SAMD12: variants seen among roughly 807,000 people sequenced by gnomAD.
The protein encoded by SAMD12 is sterile alpha motif domain-containing protein 12.
SAMD12 carries 9 observed loss-of-function variants against 15.0 expected under a neutral mutation model. The observed-to-expected ratio is 0.60, with a 90% CI of 0.36 to 1.05. The LOEUF (loss-of-function observed/expected upper bound fraction) is 1.05. Ranked by LOEUF, SAMD12 falls within the 50% of genes least tolerant of loss-of-function variation. The pLI is 0.01. For synonymous variants in SAMD12, 86 were observed against 90.1 expected, an observed-to-expected ratio of 0.96 and a Z score of 0.25; for missense variants, 230 against 234.2, an observed-to-expected ratio of 0.98 and a Z score of 0.12.
intron 4 of SAMD12, among the ~76,000 whole-genome samples, chr8:118,290,280 A>C (rs1586444503): frequency 1.3e-5 from 2 of 152,016 alleles, no homozygotes; most frequent in African/African-American, 4.8e-5. Context: ...GGCATTAAAA[A>C]CTCTCCAGCC....
chr8:118,315,188 G>A (rs192140102), intron 4 of SAMD12, among the ~76,000 whole-genome samples: 2 of 152,160 alleles, frequency 1.3e-5, no homozygotes, highest in African/African-American at 4.8e-5. Context: ...ATTTGCTTTT[G>A]GTGAATGCTG....
In SAMD12 at chr8:118,347,646, T is replaced by TAA. The variant is rs531306400; in HGVS notation, c.433+31912_433+31913dup. On this transcript the variant is annotated intron_variant, in intron 4 of 4. Transcript: ENST00000409003. Reference sequence around the variant, plus strand: ...TATATTTTCCAAACCTATTTGACTATAATATTTTTTAAAAAGAACACTTAT... The same window carrying TAA: ...TATATTTTCCAAACCTATTTGACTATAAAATATTTTTTAAAAAGAACACTTAT... 6.8e-4 allele frequency among the ~76,000 whole-genome samples: 88 copies of TAA among 129,654 alleles called. 1 individual carries two copies. Among genetic ancestry groups the TAA allele is most frequent in the African/African-American group, 2.8e-3 (83 of 29,672 alleles). The allele number at this position is 129,654 out of a possible 152,430, so 85.1% of individuals were successfully genotyped here.
In SAMD12 at chr8:118,356,384, G is replaced by A. The variant is rs1283927702; in HGVS notation, c.433+23176C>T. ...CCACCTGGCCCTGCAATGCTGTTTCGTAGTCTTTCTTAGCACAGCTTTTCC... is the reference window on the plus strand; with the variant it reads ...CCACCTGGCCCTGCAATGCTGTTTCATAGTCTTTCTTAGCACAGCTTTTCC... On this transcript the variant is annotated intron_variant, in intron 4 of 4. Coordinates refer to the SAMD12 transcript ENST00000409003. 4.6e-5 allele frequency among the ~76,000 whole-genome samples: 7 copies of A among 152,286 alleles called. No individual in the cohort carries two copies. The East Asian group carries it at 5.8e-4, about 13-fold the overall frequency.
intron 3 of SAMD12, among the ~76,000 whole-genome samples, chr8:118,404,198 G>T (rs1298576607): frequency 3.9e-5 from 6 of 152,106 alleles, no homozygotes; most frequent in Non-Finnish European, 5.9e-5. Flanking sequence ...TGCCTAAGCT[G>T]GTCTAGAACT....
At position 118,580,734 on chromosome 8, in the gene SAMD12, G is replaced by A. The variant is rs750756157; in HGVS notation, c.173C>T (p.Ala58Val). The change falls in exon 2 of 4, where the codon GCA becomes GTA. Residue 58 changes from alanine to valine, a missense_variant. By Grantham distance (64) the Ala-to-Val change is moderately conservative (BLOSUM62 0). Transcript: ENST00000314727. ...DQKGTPKRLQ[A>V]EAETAKSATV... ...ACGCACCTTAGCCGTCTCAGCTTCT[G>A]CCTGCAGTCGCTTGGGAGTTCCTTT... is the stretch of plus-strand genomic sequence containing the variant. 1 of 1,612,716 alleles carries A rather than the reference G, an allele frequency of 6.2e-7. No homozygotes were observed. Among genetic ancestry groups the A allele is most frequent in the South Asian group, 1.1e-5 (1 of 91,006 alleles).
intron 4 of SAMD12, among the ~76,000 whole-genome samples, chr8:118,363,174 G>A (rs1283136439): frequency 1.3e-5 from 2 of 152,192 alleles, no homozygotes; most frequent in Non-Finnish European, 2.9e-5. Context: ...GGAGTGGAAA[G>A]AGCATGGGCT....
chr8:118,436,560 C>T lies in SAMD12; in HGVS notation c.322+3272G>A, dbSNP rs529186963. Among the ~76,000 whole-genome samples, 8 of 152,176 alleles carry T rather than the reference C, an allele frequency of 5.3e-5. No homozygotes were observed. The East Asian group carries it at 1.5e-3, about 29-fold the overall frequency. ...ATATAACACTGATATAACATGCTTC[C>T]TCAATGAGCATGATAGAGGAGATCC... On this transcript the variant is annotated intron_variant, in intron 3 of 3. Coordinates refer to ENST00000314727, the MANE Select transcript of SAMD12 (RefSeq NM_207506.3).
At chr8:118,245,102 T>C (rs1462318252) in intron 4 of SAMD12, among the ~76,000 whole-genome samples, 2 of 152,174 alleles carry the variant, frequency 1.3e-5, no homozygotes, top group Non-Finnish European at 2.9e-5. Flanking sequence ...CACACCCATC[T>C]TATTTAATAT....
At chr8:118,611,741 T>C (rs1586856431) in intron 1 of SAMD12, among the ~76,000 whole-genome samples, 1 of 152,240 alleles carries the variant, frequency 6.6e-6, no homozygotes, top group African/African-American at 2.4e-5. Flanking sequence ...ACTGTTTGTC[T>C]AGGAGTTCTG....
rs1397079896 is a variant in SAMD12 at position 118,191,788 on chromosome 8, A to C, written c.*5922T>G. 2.9e-3 allele frequency: 163 copies of C among 56,840 alleles called. 4 individuals carry two copies. The highest frequency in any genetic ancestry group is 0.011 in the African/African-American group (156 of 14,730). 3.5% of individuals were successfully genotyped at this position (56,840 alleles called of 1,614,324 possible). A position where few individuals can be genotyped will look rare whatever the true frequency, so the allele number is the denominator to read the frequency against. On this transcript the variant is annotated 3_prime_UTR_variant, in exon 5 of 5. Transcript: ENST00000409003. ...TATATATATATATATATATATATAT[A>C]TATATATATATATATATATATATAG...
At chr8:118,303,086 C>T (rs551973597) in intron 4 of SAMD12, among the ~76,000 whole-genome samples, 6 of 152,274 alleles carry the variant, frequency 3.9e-5, no homozygotes, top group South Asian at 4.1e-4. Context: ...TGCTCACTGC[C>T]GTCACATTAA....
At chr8:118,568,814 G>A (rs1037072157) in intron 2 of SAMD12, among the ~76,000 whole-genome samples, 5 of 152,124 alleles carry the variant, frequency 3.3e-5, no homozygotes, top group African/African-American at 9.7e-5. Flanking sequence ...TGATAAAAGC[G>A]TATTTTGCTC....
At chr8:118,172,485 A>C in the SAMD12 span, among the ~76,000 whole-genome samples, 3 of 152,240 alleles carry the variant, frequency 2.0e-5, no homozygotes, top group Non-Finnish European at 4.4e-5. Context: ...CTGTTTGAGC[A>C]AATTGGAGAC....
intron 2 of SAMD12, among the ~76,000 whole-genome samples, chr8:118,443,757 TTC>T (rs1450878674): frequency 6.6e-6 from 1 of 152,224 alleles, no homozygotes; most frequent in African/African-American, 2.4e-5. Context: ...CTGCCTGAAC[TTC>T]TCTTTTTGTA....
chr8:118,375,071 T>C (rs1244539498), downstream of SAMD12, among the ~76,000 whole-genome samples: 1 of 152,080 alleles, frequency 6.6e-6, no homozygotes, highest in Non-Finnish European at 1.5e-5. Context: ...ACAGATACCA[T>C]ATGGCTGCAA....
chr8:118,402,995 TA>T (rs1353503704), intron 3 of SAMD12, among the ~76,000 whole-genome samples: 1 of 152,210 alleles, frequency 6.6e-6, no homozygotes, highest in Non-Finnish European at 1.5e-5. Flanking sequence ...AACTTGCTGA[TA>T]AGCAATATCT....
chr8:118,337,191 T>TA (rs200802931), intron 4 of SAMD12, among the ~76,000 whole-genome samples: 40 of 143,812 alleles, frequency 2.8e-4, no homozygotes, highest in East Asian at 6.2e-4. Flanking sequence ...AAGAGAGAAA[T>TA]AAAAAAAAAA....
At chr8:118,327,164 A>G (rs1586534568) in intron 4 of SAMD12, among the ~76,000 whole-genome samples, 1 of 152,332 alleles carries the variant, frequency 6.6e-6, no homozygotes, top group East Asian at 1.9e-4. Flanking sequence ...ATGGGCTTGC[A>G]GCTTTTTGTT....
chr8:118,289,799 A>G (rs1003115198), intron 4 of SAMD12, among the ~76,000 whole-genome samples: 4 of 152,216 alleles, frequency 2.6e-5, no homozygotes, highest in African/African-American at 9.7e-5. Flanking sequence ...TAATTAATTT[A>G]AAAATATGCT....
Sources: allele counts gnomAD v4.1 joint callset (sites outside exome capture counted in the v4.1 genomes callset), GRCh38; gene constraint gnomAD v4.1.1; transcripts MANE v1.5; gene names NCBI Gene and HGNC (gene_info 2026-07-23, HGNC 2026-07-21).